AGO1: variants seen among roughly 807,000 people sequenced by gnomAD.
AGO1 encodes argonaute RISC component 1.
A neutral mutation model predicts 109.2 loss-of-function variants in AGO1; 11 were observed. That is an observed-to-expected ratio of 0.10 (90% CI 0.06 to 0.17). The LOEUF is 0.17. Ranked by LOEUF, AGO1 falls within the 10% of genes least tolerant of loss-of-function variation. The pLI, the probability that AGO1 is intolerant of heterozygous loss-of-function variation, is 1.00. For missense variants in AGO1, 574 were observed against 1,140.3 expected (o/e 0.50, Z 7.15); for synonymous variants, 422 against 418.6 (o/e 1.01, Z -0.10).
At chr1:35,914,690 GAC>G (rs1178819901) in intron 14 of AGO1, among the ~76,000 whole-genome samples, 2 of 152,178 alleles carry the variant, frequency 1.3e-5, no homozygotes, top group African/African-American at 2.4e-5. Flanking sequence ...TCTCTCTCCT[GAC>G]TTTTCTGCTC....
chr1:35,870,365 G>A (rs550546476), intron 1 of AGO1, among the ~76,000 whole-genome samples: 49 of 152,042 alleles, frequency 3.2e-4, no homozygotes, highest in African/African-American at 1.1e-3. Flanking sequence ...CCCACTGCCA[G>A]CTCCGCCTCC....
rs1010672520 is a variant in AGO1 at position 35,894,122 on chromosome 1, C to T, written c.735C>T (p.Pro245=). The change falls in exon 6 of 19, where the codon CCC becomes CCT. Residue 245 remains proline, a synonymous_variant. Coordinates refer to ENST00000373204, the MANE Select transcript of AGO1 (RefSeq NM_012199.5). ...ACATCAGGAACATAGATGAGCAGCC[C>T]AAGCCCCTCACGGACTCTCAGCGCG... ...VLDIRNIDEQ[P]KPLTDSQRVR... The T allele has an allele frequency of 6.3e-7, 1 of 1,589,524 alleles. No homozygotes were observed. Among genetic ancestry groups the T allele is most frequent in the African/African-American group, 1.3e-5 (1 of 74,366 alleles).
upstream of AGO1, among the ~76,000 whole-genome samples, chr1:35,881,639 C>T (rs988143562): frequency 6.6e-6 from 1 of 152,188 alleles, no homozygotes; most frequent in Admixed American, 6.5e-5. Context: ...CAAGTTTTAA[C>T]AAGCTTTCCA....
chr1:35,869,906 A>G (rs1292895312), intron 1 of AGO1: 2 of 152,236 alleles, frequency 1.3e-5, no homozygotes, highest in African/African-American at 4.8e-5. Flanking sequence ...ATATTCAGGC[A>G]AGTAATTTAA....
chr1:35,913,692 G>A, intron 12 of AGO1, 150 bp from the exon 13 acceptor site: 2 of 650,052 alleles, frequency 3.1e-6, no homozygotes, highest in Non-Finnish European at 4.9e-6. Context: ...TTTAAAATTA[G>A]TCCCTATTTA....
chr1:35,928,864 G>A lies in AGO1; in HGVS notation c.*9257G>A, dbSNP rs149163525. ...CCTGAGGAGGTTCAACTTTCAGAGC[G>A]CACTGATTTCTCTGCACCTGAGATT... is the stretch of plus-strand genomic sequence containing the variant. On this transcript the variant is annotated 3_prime_UTR_variant, in exon 19 of 19. Transcript: ENST00000373204. 18 of 152,280 alleles carry A rather than the reference G, an allele frequency of 1.2e-4. No individual in the cohort carries two copies. Among genetic ancestry groups the A allele is most frequent in the Admixed American group, 3.3e-4 (5 of 15,304 alleles). 9.4% of individuals were successfully genotyped at this position (152,280 alleles called of 1,614,324 possible). A position where few individuals can be genotyped will look rare whatever the true frequency, so the allele number is the denominator to read the frequency against.
rs970088425 is a variant in AGO1 at position 35,922,381 on chromosome 1, G to T, written c.*2774G>T. The T allele has an allele frequency of 6.6e-6, 1 of 152,272 alleles. No individual in the cohort carries two copies. The highest frequency in any genetic ancestry group is 2.4e-5 in the African/African-American group (1 of 41,454). 9.4% of individuals were successfully genotyped at this position (152,272 alleles called of 1,614,324 possible). ...TTGAAAGGTGGTGCATGCAGATGGA[G>T]AAGTGGTGTTGGCAGCAAGCTTTGG... is the stretch of plus-strand genomic sequence containing the variant. On this transcript the variant is annotated 3_prime_UTR_variant, in exon 19 of 19. Transcript: ENST00000373204.
In AGO1 at chr1:35,893,284, G is replaced by T; in HGVS notation, c.512+6G>T. The T allele has an allele frequency of 1.2e-6, 2 of 1,611,880 alleles. No homozygotes were observed. The highest frequency in any genetic ancestry group is 1.7e-6 in the Non-Finnish European group (2 of 1,178,370). ...AGGCACCTGGCATCCATGAGGTATT[G>T]GGTGTAGTTAGTATCTGGGCTACTA... On this transcript the variant is annotated splice_donor_region_variant and intron_variant, in intron 4 of 18. Transcript: ENST00000373204. This position sits in a 1 kb window ranked among gnomAD's most constrained non-coding sequence, Gnocchi z 5.6.
chr1:35,924,232 T>TCAGCAGCAGCAG lies in AGO1; in HGVS notation c.*4637_*4648dup, dbSNP rs889197162. 7 of 154,194 alleles carry TCAGCAGCAGCAG rather than the reference T, an allele frequency of 4.5e-5. 1 individual carries two copies. The highest frequency in any genetic ancestry group is 7.2e-5 in the African/African-American group (3 of 41,434). The allele number at this position is 154,194 out of a possible 1,614,324, so 9.6% of individuals were successfully genotyped here. A position where few individuals can be genotyped will look rare whatever the true frequency, so the allele number is the denominator to read the frequency against. ...ACAGTTCCTTCTGAAGCAAGCAACA[T>TCAGCAGCAGCAG]CAGCAGCAGCAGCAGCAGCAGCACA... is the stretch of plus-strand genomic sequence containing the variant. On this transcript the variant is annotated 3_prime_UTR_variant, in exon 19 of 19. Coordinates refer to ENST00000373204, the MANE Select transcript of AGO1 (RefSeq NM_012199.5).
At chr1:35,871,348 CCA>C (rs1644949752) in intron 1 of AGO1, among the ~76,000 whole-genome samples, 1 of 150,776 alleles carries the variant, frequency 6.6e-6, no homozygotes. Flanking sequence ...GAGTTCGAGA[CCA>C]GTCTGGTCAA....
At chr1:35,917,912 C>T (rs1296518302) in intron 16 of AGO1, among the ~76,000 whole-genome samples, 185 bp downstream of exon 16, 2 of 152,128 alleles carry the variant, frequency 1.3e-5, no homozygotes, top group Admixed American at 1.3e-4. Flanking sequence ...CACCTCCTCC[C>T]GTCCTTCCCT....
At position 35,883,353 on chromosome 1, in the gene AGO1, G is replaced by A; in HGVS notation, c.-69G>A. On this transcript the variant is annotated 5_prime_UTR_variant, in exon 1 of 19. Coordinates refer to ENST00000373204, the MANE Select transcript of AGO1 (RefSeq NM_012199.5). This position sits in a 1 kb window ranked among gnomAD's most constrained non-coding sequence, Gnocchi z 5.4. ...CGGGATCCCGAGCAGCGAGAGTGTG[G>A]GGTACCTAGGCCCCTCACGCTGGAC... 1 of 1,568,382 alleles carries A rather than the reference G, an allele frequency of 6.4e-7. No homozygotes were observed. The highest frequency in any genetic ancestry group is 1.2e-5 in the South Asian group (1 of 86,660).
chr1:35,902,435 T>C, intron 11 of AGO1, 98 bp downstream of exon 11: 1 of 1,473,372 alleles, frequency 6.8e-7, no homozygotes, highest in Non-Finnish European at 9.1e-7. Flanking sequence ...CAGTAATGTG[T>C]TCTGTCTTGA....
chr1:35,917,504 C>A, intron 15 of AGO1, 89 bp from the exon 16 acceptor site: 1 of 1,415,632 alleles, frequency 7.1e-7, no homozygotes, highest in Non-Finnish European at 9.5e-7. Context: ...AGTTATATTA[C>A]AAGTGGCAAC....
At chr1:35,907,640 C>T (rs1645548325) in intron 12 of AGO1, among the ~76,000 whole-genome samples, 1 of 152,128 alleles carries the variant, frequency 6.6e-6, no homozygotes, top group African/African-American at 2.4e-5. Flanking sequence ...CTCCATCTCT[C>T]CTGCTTCAAA....
At chr1:35,879,733 T>TTA (rs1453461267), upstream of AGO1, among the ~76,000 whole-genome samples, 1 of 2,408 alleles carries the variant, frequency 4.2e-4, no homozygotes, top group Non-Finnish European at 6.3e-4. Flanking sequence ...AGGTTCTGTC[T>TTA]CAAAAAAAAA....
Position 35,919,659 on chromosome 1 carries a change from G to A in AGO1, c.*52G>A. 6.5e-7 allele frequency: 1 copy of A among 1,546,256 alleles called. No individual in the cohort carries two copies. The highest frequency in any genetic ancestry group is 1.2e-5 in the South Asian group (1 of 86,916). ...TAGAAGAAAGCTTTCCAAGCCCCAG[G>A]AGCTGTGCCACCCAAATCCAGAGGA... On this transcript the variant is annotated 3_prime_UTR_variant, in exon 19 of 19. Transcript: ENST00000373204. The surrounding 1 kb of genome is among the most constrained non-coding windows in gnomAD (Gnocchi z 6.6).
In AGO1 at chr1:35,926,630, T is replaced by G. The variant is rs1185171901; in HGVS notation, c.*7023T>G. On this transcript the variant is annotated 3_prime_UTR_variant, in exon 19 of 19. Coordinates refer to ENST00000373204, the MANE Select transcript of AGO1 (RefSeq NM_012199.5). The stretch of plus-strand genomic sequence containing the variant: ...TCGAATTGGAAAATTAGCTCACCAT[T>G]TTTGTTCTAGCTTTGCAGACATTTA... 1 of 152,204 alleles carries G rather than the reference T, an allele frequency of 6.6e-6. No individual in the cohort carries two copies. Among genetic ancestry groups the G allele is most frequent in the African/African-American group, 2.4e-5 (1 of 41,442 alleles). The allele number at this position is 152,204 out of a possible 1,614,324, so 9.4% of individuals were successfully genotyped here.
chr1:35,874,894 A>G (rs1191556484), intron 1 of AGO1, among the ~76,000 whole-genome samples: 1 of 152,224 alleles, frequency 6.6e-6, no homozygotes, highest in Non-Finnish European at 1.5e-5. Context: ...CCCTTAAGCC[A>G]AAGCCTAATC....
Sources: gnomAD v4.1 joint callset for allele counts (sites outside exome capture counted in the v4.1 genomes callset) on GRCh38, gnomAD v4.1.1 for gene constraint, Gnocchi (gnomAD v3.1) non-coding constraint, MANE v1.5 for transcripts, NCBI Gene and HGNC (gene_info 2026-07-23, HGNC 2026-07-21) for gene names.